CTNNA2: variants seen among roughly 807,000 people sequenced by gnomAD.
The protein encoded by CTNNA2 is catenin alpha 2.
A neutral mutation model predicts 101.0 loss-of-function variants in CTNNA2; 42 were observed. That is an observed-to-expected ratio of 0.42 (90% CI 0.32 to 0.54). CTNNA2 has a LOEUF of 0.54. Ranked by LOEUF, CTNNA2 falls within the 20% of genes least tolerant of loss-of-function variation. The pLI, the probability that CTNNA2 is intolerant of heterozygous loss-of-function variation, is 0.14. For missense variants in CTNNA2, 871 were observed against 1,223.1 expected (o/e 0.71, Z 4.29); for synonymous variants, 450 against 456.4 (o/e 0.99, Z 0.18).
Position 80,457,538 on chromosome 2 carries a change from A to G in CTNNA2, c.1290+37937A>G, listed in dbSNP as rs566860085. 2.8e-4 allele frequency among the ~76,000 whole-genome samples: 42 copies of G among 152,234 alleles called. 1 individual carries two copies. The highest frequency in any genetic ancestry group is 3.4e-3 in the Middle Eastern group (1 of 294). Reference sequence around the variant, plus strand: ...ATACAATACACTGTCTATATTATTAATATTAATATTACTGATGTAAAAATA... The same window carrying G: ...ATACAATACACTGTCTATATTATTAGTATTAATATTACTGATGTAAAAATA... On this transcript the variant is annotated intron_variant, in intron 9 of 18. Coordinates refer to ENST00000402739, the MANE Select transcript of CTNNA2 (RefSeq NM_001282597.3).
chr2:79,349,363 A>T (rs1677332587), intron 3 of CTNNA2, among the ~76,000 whole-genome samples: 1 of 152,202 alleles, frequency 6.6e-6, no homozygotes, highest in South Asian at 2.1e-4. Context: ...ATCTGTGTTT[A>T]CTAAATATAT....
intron 7 of CTNNA2, among the ~76,000 whole-genome samples, chr2:80,114,384 A>G (rs924865103): frequency 1.3e-5 from 2 of 152,218 alleles, no homozygotes; most frequent in Non-Finnish European, 2.9e-5. Flanking sequence ...ACATGAAAAC[A>G]CAGGTATCAA....
At chr2:80,160,158 A>G (rs1422418078) in intron 7 of CTNNA2, among the ~76,000 whole-genome samples, 4 of 152,094 alleles carry the variant, frequency 2.6e-5, no homozygotes, top group African/African-American at 9.7e-5. Flanking sequence ...CCATTGTACT[A>G]TGTGTTGATT....
At chr2:80,553,780 G>T (rs1254627570) in intron 11 of CTNNA2, among the ~76,000 whole-genome samples, 1 of 152,094 alleles carries the variant, frequency 6.6e-6, no homozygotes, top group East Asian at 1.9e-4. Context: ...AGAAAGAGAA[G>T]CTTCTTTTAA....
chr2:80,042,445 TA>T (rs1263010531), intron 7 of CTNNA2, among the ~76,000 whole-genome samples: 1 of 152,206 alleles, frequency 6.6e-6, no homozygotes, highest in Non-Finnish European at 1.5e-5. Flanking sequence ...GAAATTAACT[TA>T]TCCTAAAGAA....
chr2:79,802,798 G>A (rs1409408483), intron 3 of CTNNA2, among the ~76,000 whole-genome samples: 1 of 152,222 alleles, frequency 6.6e-6, no homozygotes, highest in East Asian at 1.9e-4. Context: ...TTTATGAATT[G>A]TCAGTTCTGG....
chr2:80,524,703 A>G (rs1321321635), intron 9 of CTNNA2, among the ~76,000 whole-genome samples: 2 of 152,000 alleles, frequency 1.3e-5, no homozygotes, highest in East Asian at 3.9e-4. Flanking sequence ...TCCCCATCTT[A>G]GGGTCTGCCT....
intron 7 of CTNNA2, among the ~76,000 whole-genome samples, chr2:80,287,882 C>A (rs189526432): frequency 6.6e-6 from 1 of 152,162 alleles, no homozygotes; most frequent in South Asian, 2.1e-4. Context: ...TCTGCATTAA[C>A]CTGCTCAAAG....
At chr2:80,508,950 A>C (rs2117276) in intron 9 of CTNNA2, among the ~76,000 whole-genome samples, 113,217 of 152,054 alleles carry the variant, frequency 0.74, 42,720 homozygotes, top group African/African-American at 0.82. Flanking sequence ...TTTATTTGAT[A>C]TTCATTTTTA....
intron 7 of CTNNA2, among the ~76,000 whole-genome samples, chr2:80,027,358 G>T (rs1694993341): frequency 6.6e-6 from 1 of 152,210 alleles, no homozygotes; most frequent in African/African-American, 2.4e-5. Context: ...GATGGGTGTG[G>T]AGAGGTGCAA....
At chr2:79,529,715 A>G (rs200707219) in intron 1 of CTNNA2, among the ~76,000 whole-genome samples, 1 of 54,454 alleles carries the variant, frequency 1.8e-5, no homozygotes. Context: ...GAAAAGAAAT[A>G]TGTTACTCCT....
At chr2:79,335,182 C>T (rs1676966854) in intron 3 of CTNNA2, among the ~76,000 whole-genome samples, 1 of 152,170 alleles carries the variant, frequency 6.6e-6, no homozygotes, top group South Asian at 2.1e-4. Flanking sequence ...CATCTCATTT[C>T]CCTGGCCTTT....
intron 3 of CTNNA2, among the ~76,000 whole-genome samples, chr2:79,761,365 A>G (rs1672777443): frequency 6.6e-6 from 1 of 152,174 alleles, no homozygotes; most frequent in Non-Finnish European, 1.5e-5. Context: ...TATTAAGCCA[A>G]TCTGGCCTTC....
rs188532243 is a variant in CTNNA2, at chr2:79,836,157, C to T, written c.299-21856C>T. 7.2e-5 allele frequency among the ~76,000 whole-genome samples: 11 copies of T among 152,278 alleles called. No individual in the cohort carries two copies. The East Asian group carries it at 1.9e-3, about 27-fold the overall frequency. On this transcript the variant is annotated intron_variant, in intron 3 of 18. Transcript: ENST00000402739. ...TTTAATCTTTGGAGCTTCAGATCCT[C>T]TTGGCAATATGTCTCTCTTCCTCAC...
At chr2:79,370,762 G>T (rs577163200) in intron 3 of CTNNA2, among the ~76,000 whole-genome samples, 2 of 152,046 alleles carry the variant, frequency 1.3e-5, no homozygotes, top group Admixed American at 1.3e-4. Flanking sequence ...ATACCTCCAG[G>T]TTATAGTCTC....
chr2:79,503,766 TA>T (rs1160428128), intron 4 of CTNNA2, among the ~76,000 whole-genome samples: 9 of 152,192 alleles, frequency 5.9e-5, no homozygotes, highest in Admixed American at 5.9e-4. Context: ...ATTTTCATAA[TA>T]AAAAATGTTT....
chr2:79,780,043 G>A (rs1341654496), intron 3 of CTNNA2, among the ~76,000 whole-genome samples: 1 of 152,046 alleles, frequency 6.6e-6, no homozygotes, highest in Non-Finnish European at 1.5e-5. Context: ...TAAAACTTTG[G>A]TCTCCACAAC....
chr2:79,939,685 CTA>C, intron 7 of CTNNA2, among the ~76,000 whole-genome samples: 1 of 152,186 alleles, frequency 6.6e-6, no homozygotes, highest in South Asian at 2.1e-4. Context: ...AGCAATAAGT[CTA>C]GATACATGTA....
At chr2:80,472,116 T>C (rs1481278083) in intron 9 of CTNNA2, among the ~76,000 whole-genome samples, 2 of 115,510 alleles carry the variant, frequency 1.7e-5, no homozygotes, top group South Asian at 6.3e-4. Context: ...CGAGACTCCA[T>C]CTCAAAAAAA....
Sources: gnomAD v4.1 joint callset for allele counts (sites outside exome capture counted in the v4.1 genomes callset) on GRCh38, gnomAD v4.1.1 for gene constraint, MANE v1.5 for transcripts, NCBI Gene and HGNC (gene_info 2026-07-23, HGNC 2026-07-21) for gene names.